Variants in ATXN7L1 observed in about 807,000 individuals in gnomAD.
ATXN7L1 encodes ataxin-7-like protein 1.
Under a neutral mutation model 70.8 loss-of-function variants are expected in ATXN7L1, and 15 were observed. That is an observed-to-expected ratio of 0.21 (90% CI 0.14 to 0.33). The LOEUF (loss-of-function observed/expected upper bound fraction) is 0.33. ATXN7L1 is among the 10% of genes least tolerant of loss of function. The probability of loss-of-function intolerance (pLI) is 1.00; values close to 1 mark genes in which losing one functional copy is unlikely to be tolerated. For synonymous variants in ATXN7L1, 440 were observed against 445.1 expected, an observed-to-expected ratio of 0.99 and a Z score of 0.14; for missense variants, 975 against 1,097.1, an observed-to-expected ratio of 0.89 and a Z score of 1.57.
intron 7 of ATXN7L1, among the ~76,000 whole-genome samples, chr7:105,626,508 C>A (rs531513192): frequency 9.2e-5 from 14 of 152,250 alleles, no homozygotes; most frequent in Non-Finnish European, 1.5e-5. Context: ...ACTATAAAAA[C>A]AAAACAAGGC....
intron 3 of ATXN7L1, among the ~76,000 whole-genome samples, chr7:105,694,576 T>C (rs1488367015): frequency 6.6e-6 from 1 of 152,222 alleles, no homozygotes; most frequent in East Asian, 1.9e-4. Flanking sequence ...AGCTTTCTGA[T>C]GTCCAATCCT....
chr7:105,628,174 G>T (rs1048051045), intron 7 of ATXN7L1, among the ~76,000 whole-genome samples: 37 of 152,062 alleles, frequency 2.4e-4, no homozygotes, highest in Admixed American at 3.3e-4. Flanking sequence ...CATTTGGAAG[G>T]CGTCTGAGGT....
intron 2 of ATXN7L1, among the ~76,000 whole-genome samples, chr7:105,858,002 CAGG>C (rs1482024510): frequency 6.6e-6 from 1 of 152,040 alleles, no homozygotes; most frequent in East Asian, 1.9e-4. Context: ...GAGGCTGAGG[CAGG>C]AGGATTGCTT....
chr7:105,715,538 T>G (rs1794437254), intron 3 of ATXN7L1, among the ~76,000 whole-genome samples: 1 of 152,262 alleles, frequency 6.6e-6, no homozygotes, highest in Non-Finnish European at 1.5e-5. Context: ...GCAGCTACCC[T>G]CCTGGATAAC....
At chr7:105,616,913 T>C (rs2115757164) in intron 9 of ATXN7L1, among the ~76,000 whole-genome samples, 1 of 152,306 alleles carries the variant, frequency 6.6e-6, no homozygotes, top group Non-Finnish European at 1.5e-5. Context: ...AAAGTATAGA[T>C]AGAAATACAT....
At chr7:105,783,774 G>A (rs1011637699) in intron 3 of ATXN7L1, among the ~76,000 whole-genome samples, 2 of 152,144 alleles carry the variant, frequency 1.3e-5, no homozygotes, top group Non-Finnish European at 2.9e-5. Flanking sequence ...CTTGAGTTCT[G>A]TGAGTTGTTA....
intron 3 of ATXN7L1, among the ~76,000 whole-genome samples, chr7:105,777,154 A>C (rs1275581723): frequency 6.6e-6 from 1 of 152,182 alleles, no homozygotes; most frequent in African/African-American, 2.4e-5. Flanking sequence ...ACTCTTCTGC[A>C]CAGTAATCAG....
chr7:105,699,166 T>C (rs1037350800), intron 3 of ATXN7L1, among the ~76,000 whole-genome samples: 27 of 152,196 alleles, frequency 1.8e-4, no homozygotes, highest in African/African-American at 6.0e-4. Context: ...GGAACCTTGC[T>C]CTGTCACCCA....
intron 11 of ATXN7L1, among the ~76,000 whole-genome samples, chr7:105,610,169 C>CA (rs745657737): frequency 7.2e-5 from 11 of 152,326 alleles, no homozygotes; most frequent in Non-Finnish European, 1.2e-4. Context: ...AACTGAGACT[C>CA]AGAGAGGTAA....
At chr7:105,744,605 C>A (rs1798366930) in intron 3 of ATXN7L1, among the ~76,000 whole-genome samples, 1 of 151,940 alleles carries the variant, frequency 6.6e-6, no homozygotes, top group African/African-American at 2.4e-5. Flanking sequence ...AATCCAATCA[C>A]AAGGAATCAC....
chr7:105,624,741 G>C (rs1205053826), intron 7 of ATXN7L1, among the ~76,000 whole-genome samples: 1 of 151,678 alleles, frequency 6.6e-6, no homozygotes, highest in Non-Finnish European at 1.5e-5. Context: ...AACAATCAAG[G>C]CTGAAGGGTT....
chr7:105,863,377 G>A (rs1218307085), intron 2 of ATXN7L1, among the ~76,000 whole-genome samples: 1 of 152,220 alleles, frequency 6.6e-6, no homozygotes, highest in Non-Finnish European at 1.5e-5. Flanking sequence ...CACAGTCAAG[G>A]GGGAATGAAA....
chr7:105,790,772 C>A (rs111901402), intron 2 of ATXN7L1, among the ~76,000 whole-genome samples: 42 of 151,964 alleles, frequency 2.8e-4, no homozygotes, highest in Admixed American at 1.4e-3. Flanking sequence ...TGTGCACCAT[C>A]GGGTGGAGAC....
intron 3 of ATXN7L1, among the ~76,000 whole-genome samples, chr7:105,708,504 T>G (rs920423080): frequency 1.6e-4 from 25 of 152,180 alleles, no homozygotes; most frequent in African/African-American, 5.8e-4. Flanking sequence ...CCCATTAAAA[T>G]AAATTGGAGC....
At chr7:105,834,885 G>T (rs1006735185) in intron 2 of ATXN7L1, among the ~76,000 whole-genome samples, 1 of 152,178 alleles carries the variant, frequency 6.6e-6, no homozygotes, top group South Asian at 2.1e-4. Flanking sequence ...CAGACGAAAC[G>T]CAATCTAGCA....
chr7:105,876,312 A>C (rs1246527551), intron 1 of ATXN7L1, 66 bp downstream of exon 1: 2 of 1,482,334 alleles, frequency 1.3e-6, no homozygotes, highest in Non-Finnish European at 1.8e-6. Context: ...ACTTTTTCCC[A>C]GTGGCTCTAG....
At chr7:105,753,902 T>C (rs533422128) in intron 3 of ATXN7L1, among the ~76,000 whole-genome samples, 40 of 152,194 alleles carry the variant, frequency 2.6e-4, no homozygotes, top group African/African-American at 9.2e-4. Context: ...CATTAGTGCC[T>C]GGGACAGTGC....
At chr7:105,651,067 C>G (rs1228577310) in intron 4 of ATXN7L1, among the ~76,000 whole-genome samples, 1 of 152,176 alleles carries the variant, frequency 6.6e-6, no homozygotes, top group East Asian at 1.9e-4. Context: ...TACCCGGTTT[C>G]AGAGCCTCAG....
intron 3 of ATXN7L1, among the ~76,000 whole-genome samples, chr7:105,750,051 A>G (rs1173933390): frequency 6.6e-6 from 1 of 151,818 alleles, no homozygotes; most frequent in Non-Finnish European, 1.5e-5. Flanking sequence ...AAATGGGAGA[A>G]CTTGGGATTG....
Sources: gnomAD v4.1 joint callset for allele counts (sites outside exome capture counted in the v4.1 genomes callset) on GRCh38, gnomAD v4.1.1 for gene constraint, MANE v1.5 for transcripts, NCBI Gene and HGNC (gene_info 2026-07-23, HGNC 2026-07-21) for gene names.